The following ZNF555 variants were observed in gnomAD, a reference collection of about 807,000 sequenced individuals.
The protein encoded by ZNF555 is zinc finger protein 555.
A neutral mutation model predicts 14.0 loss-of-function variants in ZNF555; 10 were observed. The ratio of observed to expected loss-of-function variants is 0.72; its 90% CI spans 0.44 to 1.21. The LOEUF is 1.21. ZNF555 is among the 50% of genes most tolerant of loss of function. ZNF555 has a pLI of 0.00. For missense variants in ZNF555, 747 were observed against 762.0 expected, an observed-to-expected ratio of 0.98 and a Z score of 0.23; for synonymous variants, 277 against 262.4, an observed-to-expected ratio of 1.06 and a Z score of -0.54.
At position 2,853,787 on chromosome 19, in the gene ZNF555, T is replaced by C. The variant is rs1043985443; in HGVS notation, c.1722T>C (p.Asn574=). The change falls in exon 4 of 4, where the codon AAT becomes AAC. Residue 574 remains asparagine, a synonymous_variant. Coordinates refer to ENST00000334241, the MANE Select transcript of ZNF555 (RefSeq NM_152791.5). ...YQCKHCGKAF[N]CSSSLRRHVR... is the part of the protein sequence containing the mutation. Reference sequence around the variant, plus strand: ...GTAAGCATTGTGGGAAAGCATTCAATTGTTCCTCATCCTTAAGGCGACATG... The same window carrying C: ...GTAAGCATTGTGGGAAAGCATTCAACTGTTCCTCATCCTTAAGGCGACATG... 6.2e-7 allele frequency: 1 copy of C among 1,612,220 alleles called. No individual in the cohort carries two copies. Among genetic ancestry groups the C allele is most frequent in the African/African-American group, 1.3e-5 (1 of 74,912 alleles).
Position 2,841,500 on chromosome 19 carries a change from C to A in ZNF555, c.-73C>A, listed in dbSNP as rs2087534957. The A allele has an allele frequency of 1.9e-6, 3 of 1,543,888 alleles. No homozygotes were observed. The highest frequency in any genetic ancestry group is 1.7e-6 in the Non-Finnish European group (2 of 1,143,482). Reference sequence around the variant, plus strand: ...GTCCTAGCCGTGAGTGCCCCGCCTGCCCCTAGCGGTCCCTGGCGTCCCGGT... The same window carrying A: ...GTCCTAGCCGTGAGTGCCCCGCCTGACCCTAGCGGTCCCTGGCGTCCCGGT... On this transcript the variant is annotated 5_prime_UTR_variant, in exon 1 of 4. Coordinates refer to ENST00000334241, the MANE Select transcript of ZNF555 (RefSeq NM_152791.5).
rs2087720562 is a variant in ZNF555, at chr19:2,860,171, AGTGTGCTT to A, written c.*6221_*6228del. 6.6e-6 allele frequency: 1 copy of A among 152,074 alleles called. No homozygotes were observed. The highest frequency in any genetic ancestry group is 6.6e-5 in the Admixed American group (1 of 15,260). The allele number at this position is 152,074 out of a possible 1,614,324, so 9.4% of individuals were successfully genotyped here. A position where few individuals can be genotyped will look rare whatever the true frequency, so the allele number is the denominator to read the frequency against. On this transcript the variant is annotated 3_prime_UTR_variant, in exon 4 of 4. Transcript: ENST00000334241. ...CTACCTCTGGGACTCTCATCTCTTG[AGTGTGCTT>A]GGGTGTGTCCAACCGTTTTTCCTAG...
intron 1 of ZNF555, chr19:2,847,453 C>G (rs1257425905): frequency 6.6e-6 from 1 of 152,140 alleles, no homozygotes; most frequent in East Asian, 1.9e-4. Flanking sequence ...TGTAACTAAC[C>G]TGCACATTGT....
At position 2,860,397 on chromosome 19, in the gene ZNF555, CAG is replaced by C. The variant is rs1023486432; in HGVS notation, c.*6448_*6449del. The C allele has an allele frequency of 3.3e-5, 5 of 151,768 alleles. No homozygotes were observed. The highest frequency in any genetic ancestry group is 4.8e-5 in the African/African-American group (2 of 41,300). The allele number at this position is 151,768 out of a possible 1,614,324, so 9.4% of individuals were successfully genotyped here. ...ATGAAATATAAAGGCCTAGCAGGCT[CAG>C]AGTTATTAATGAATTGTACTTAAGC... On this transcript the variant is annotated 3_prime_UTR_variant, in exon 4 of 4. Transcript: ENST00000334241.
chr19:2,853,467 C>G lies in ZNF555; in HGVS notation c.1402C>G (p.Arg468Gly), dbSNP rs140769402. The G allele has an allele frequency of 6.2e-7, 1 of 1,613,980 alleles. No individual in the cohort carries two copies. The highest frequency in any genetic ancestry group is 8.5e-7 in the Non-Finnish European group (1 of 1,180,024). The change falls in exon 4 of 4, where the codon CGA becomes GGA. Residue 468 changes from arginine to glycine, a missense_variant. Physicochemically the swap from Arg to Gly is moderately radical, Grantham distance 125 (BLOSUM62 -2). Coordinates refer to ENST00000334241, the MANE Select transcript of ZNF555 (RefSeq NM_152791.5). ...GKAFSLSACF[R>G]EHVRMHPEDK... Reference sequence around the variant, plus strand: ...AGCCTTCAGCTTGTCTGCTTGCTTTCGAGAACATGTGAGAATGCACCCTGA... The same window carrying G: ...AGCCTTCAGCTTGTCTGCTTGCTTTGGAGAACATGTGAGAATGCACCCTGA...
At position 2,842,323 on chromosome 19, in the gene ZNF555, C is replaced by T. The variant is rs76794566; in HGVS notation, c.3+748C>T. ...GGAAAAAAAACAAGGGTTCCTGGTC[C>T]CTGGGCTCTCACACACAAGGAAGAA... On this transcript the variant is annotated intron_variant, in intron 1 of 3. Coordinates refer to ENST00000334241, the MANE Select transcript of ZNF555 (RefSeq NM_152791.5). 3.3e-3 allele frequency among the ~76,000 whole-genome samples: 508 copies of T among 152,300 alleles called. 17 individuals carry two copies. In the East Asian group the frequency reaches 0.078, roughly 23 times the overall value.
chr19:2,848,048 A>T (rs1031965018), intron 1 of ZNF555, among the ~76,000 whole-genome samples: 6 of 152,138 alleles, frequency 3.9e-5, no homozygotes, highest in Non-Finnish European at 8.8e-5. Context: ...AATGCAACAC[A>T]AACTTTTACC....
At position 2,852,399 on chromosome 19, in the gene ZNF555, A is replaced by C; in HGVS notation, c.334A>C (p.Arg112=). 6.2e-7 allele frequency: 1 copy of C among 1,614,126 alleles called. No individual in the cohort carries two copies. The highest frequency in any genetic ancestry group is 8.5e-7 in the Non-Finnish European group (1 of 1,180,012). The change falls in exon 4 of 4, where the codon AGA becomes CGA. Residue 112 remains arginine, a synonymous_variant. Coordinates refer to ENST00000334241, the MANE Select transcript of ZNF555 (RefSeq NM_152791.5). ...RNLSRNHGLE[R]LCESNDQCGE... is the part of the protein sequence containing the mutation. Reference sequence around the variant, plus strand: ...TTTTAGTAGAAATCATGGGTTGGAGAGACTCTGTGAAAGTAATGATCAATG... The same window carrying C: ...TTTTAGTAGAAATCATGGGTTGGAGCGACTCTGTGAAAGTAATGATCAATG...
chr19:2,842,111 G>C (rs1394845063), intron 1 of ZNF555, among the ~76,000 whole-genome samples: 1 of 152,142 alleles, frequency 6.6e-6, no homozygotes, highest in East Asian at 1.9e-4. Context: ...CTCCGGCCGC[G>C]GTCTCTGGGG....
Position 2,853,268 on chromosome 19 carries a change from C to T in ZNF555, c.1203C>T (p.Cys401=), listed in dbSNP as rs145171623. 5.8e-4 allele frequency: 942 copies of T among 1,612,544 alleles called. 1 individual carries two copies. The highest frequency in any genetic ancestry group is 7.5e-4 in the Non-Finnish European group (887 of 1,179,608). Residue 401 remains cysteine (C), a synonymous_variant, in exon 4 of 4, where the codon TGC becomes TGT. Coordinates refer to ENST00000334241, the MANE Select transcript of ZNF555 (RefSeq NM_152791.5). ...GGEKPYECNQ[C]GKAFSHPSSF... ...AGAAACCCTATGAATGCAACCAGTG[C>T]GGGAAAGCATTCAGTCACCCCTCCT...
At chr19:2,843,221 T>C (rs2087553581) in intron 1 of ZNF555, among the ~76,000 whole-genome samples, 1 of 152,234 alleles carries the variant, frequency 6.6e-6, no homozygotes, top group Non-Finnish European at 1.5e-5. Context: ...TGGAGTGCAC[T>C]GGTGCGATCA....
At chr19:2,851,106 A>G (rs1206166095) in intron 2 of ZNF555, among the ~76,000 whole-genome samples, 1 of 150,170 alleles carries the variant, frequency 6.7e-6, no homozygotes, top group Non-Finnish European at 1.5e-5. Context: ...TCAAGCAATT[A>G]TCTGCCTCAG....
intron 2 of ZNF555, 118 bp from the exon 3 acceptor site, chr19:2,851,350 G>A: frequency 1.3e-6 from 1 of 769,408 alleles, no homozygotes; most frequent in Non-Finnish European, 2.0e-6. Flanking sequence ...TGTTGATTGA[G>A]TTGCTTACCT....
intron 1 of ZNF555, 87 bp downstream of exon 1, chr19:2,841,662 C>G: frequency 1.5e-6 from 2 of 1,375,392 alleles, no homozygotes; most frequent in South Asian, 1.6e-5. Context: ...AGCTGAGGGA[C>G]GCGGGGGGCG....
chr19:2,851,473 G>T lies in ZNF555; in HGVS notation c.136G>T (p.Glu46Ter). The change falls in exon 3 of 4, where the codon GAA (glutamate) becomes TAA (stop). Residue 46 changes from glutamate to a stop codon, truncating the protein, a stop_gained. Coordinates refer to ENST00000334241, the MANE Select transcript of ZNF555 (RefSeq NM_152791.5). LOFTEE classifies it high-confidence loss of function. ...TFQNLASVDD[E>*]TQFKASGSVS... ...TGTTTACTTTTTGGTTTCAGATGAT[G>T]AAACTCAATTTAAGGCCAGTGGGTC... The T allele has an allele frequency of 6.3e-7, 1 of 1,576,948 alleles. No individual in the cohort carries two copies. Among genetic ancestry groups the T allele is most frequent in the Non-Finnish European group, 8.6e-7 (1 of 1,166,208 alleles).
intron 1 of ZNF555, among the ~76,000 whole-genome samples, chr19:2,847,653 T>TA (rs537781235): frequency 8.6e-5 from 13 of 151,956 alleles, no homozygotes; most frequent in South Asian, 8.3e-4. Flanking sequence ...GAAAAAAATT[T>TA]AAAAAAAATA....
rs1228087347 is a variant in ZNF555, at chr19:2,853,959, T to C, written c.*7T>C. ...TATGGTGTTGCCTTTATGAGTTCCT[T>C]ATCCTGAAAGTGGACACTCAAGGAG... On this transcript the variant is annotated 3_prime_UTR_variant, in exon 4 of 4. Coordinates refer to ENST00000334241, the MANE Select transcript of ZNF555 (RefSeq NM_152791.5). The C allele has an allele frequency of 6.2e-7, 1 of 1,613,080 alleles. No homozygotes were observed. The highest frequency in any genetic ancestry group is 8.5e-7 in the Non-Finnish European group (1 of 1,179,928).
rs1444927505 is a variant in ZNF555 at position 2,853,735 on chromosome 19, T to C, written c.1670T>C (p.Leu557Pro). The C allele has an allele frequency of 1.9e-6, 3 of 1,593,090 alleles. No individual in the cohort carries two copies. The highest frequency in any genetic ancestry group is 2.2e-5 in the East Asian group (1 of 44,752). Residue 557 changes from leucine to proline, a missense_variant, in exon 4 of 4, where the codon CTG becomes CCG. Transcript: ENST00000334241. ...TCATCTTTACCAATACATATGAGACTGCACACTGGAGAGAAACCTTATCAA... is the reference window on the plus strand; with the variant it reads ...TCATCTTTACCAATACATATGAGACCGCACACTGGAGAGAAACCTTATCAA... ...WPSSLPIHMRLHTGEKPYQCK... is the reference protein window; with the variant it reads ...WPSSLPIHMRPHTGEKPYQCK...
At chr19:2,852,157 AAAAG>A (rs1312090047) in intron 3 of ZNF555, among the ~76,000 whole-genome samples, 9 of 151,930 alleles carry the variant, frequency 5.9e-5, no homozygotes, top group African/African-American at 7.3e-5. Flanking sequence ...CAAAAAAAAA[AAAAG>A]AAAGAAAGAG....
Sources: allele counts gnomAD v4.1 joint callset (sites outside exome capture counted in the v4.1 genomes callset), GRCh38; gene constraint gnomAD v4.1.1; transcripts MANE v1.5; gene names NCBI Gene and HGNC (gene_info 2026-07-23, HGNC 2026-07-21).